Variants in ACSM3 observed in about 807,000 individuals in gnomAD.
The protein encoded by ACSM3 is acyl-CoA synthetase medium chain family member 3.
Under a neutral mutation model 74.1 loss-of-function variants are expected in ACSM3, and 61 were observed. The ratio of observed to expected loss-of-function variants is 0.82; its 90% CI spans 0.67 to 1.02. The LOEUF (loss-of-function observed/expected upper bound fraction) is 1.02, where lower values mean the gene tolerates loss of function less well. Among genes scored for constraint, ACSM3 ranks in the 50% least tolerant of loss-of-function variants. The pLI is 0.00. For missense variants in ACSM3, 660 were observed against 697.0 expected, an observed-to-expected ratio of 0.95 and a Z score of 0.60; for synonymous variants, 213 against 241.5, an observed-to-expected ratio of 0.88 and a Z score of 1.09.
At chr16:20,776,073 C>A in intron 3 of ACSM3, 24 bp downstream of exon 3, 1 of 1,609,996 alleles carries the variant, frequency 6.2e-7, no homozygotes, top group South Asian at 1.1e-5. Flanking sequence ...GCTTTCCGAT[C>A]ATATTTATTA....
intron 1 of ACSM3, among the ~76,000 whole-genome samples, chr16:20,746,118 T>A (rs1214553534): frequency 6.6e-6 from 1 of 152,210 alleles, no homozygotes; most frequent in Non-Finnish European, 1.5e-5. Flanking sequence ...AGATTCCCTG[T>A]TAGATTTAAA....
intron 1 of ACSM3, among the ~76,000 whole-genome samples, chr16:20,693,004 A>G (rs1319393878): frequency 1.3e-5 from 2 of 152,020 alleles, no homozygotes; most frequent in Admixed American, 6.6e-5. Flanking sequence ...CCCTGTCTCT[A>G]CTAAAAATTT....
chr16:20,796,327 A>T (rs1188773204), intron 12 of ACSM3, 43 bp from the exon 13 acceptor site: 1 of 1,597,244 alleles, frequency 6.3e-7, no homozygotes, highest in South Asian at 1.1e-5. Context: ...AAAACATACA[A>T]ATGCATAACT....
At chr16:20,762,355 T>C (rs916231058), upstream of ACSM3, among the ~76,000 whole-genome samples, 1 of 150,920 alleles carries the variant, frequency 6.6e-6, no homozygotes, top group Non-Finnish European at 1.5e-5. Flanking sequence ...ATCAAAGAAC[T>C]GGAAGCCAGA....
intron 1 of ACSM3, chr16:20,736,529 CTCCT>C (rs1253430298): frequency 4.7e-6 from 1 of 210,996 alleles, no homozygotes; most frequent in Non-Finnish European, 9.5e-6. Flanking sequence ...CATGTAAAAA[CTCCT>C]TCCTTAGAAT....
exon 3 of ACSM3, chr16:20,755,600 C>T (rs234285): frequency 0.98 from 147,941 of 151,082 alleles, 72,461 homozygotes; most frequent in East Asian, 1. Context: ...GCTAAAACCC[C>T]TGGAATTTCT....
intron 1 of ACSM3, among the ~76,000 whole-genome samples, chr16:20,732,618 AC>A (rs2079837403): frequency 6.6e-6 from 1 of 152,092 alleles, no homozygotes; most frequent in Non-Finnish European, 1.5e-5. Flanking sequence ...AACAGTAGAG[AC>A]CTAGGACTAG....
chr16:20,691,377 TG>T (rs1279987319), intron 1 of ACSM3: 1 of 518,332 alleles, frequency 1.9e-6, no homozygotes, highest in Non-Finnish European at 3.3e-6. Context: ...TGATTGATTT[TG>T]GTGGGGATTT....
chr16:20,743,822 C>T (rs2079946923), intron 1 of ACSM3: 2 of 152,312 alleles, frequency 1.3e-5, no homozygotes, highest in South Asian at 2.1e-4. Flanking sequence ...CTTCTGCTGG[C>T]TGGGTTTCAG....
rs1247902776 is a variant in ACSM3 at position 20,797,219 on chromosome 16, A to AT, written c.*252dup. The AT allele has an allele frequency of 8.3e-7, 1 of 1,207,978 alleles. No homozygotes were observed. Among genetic ancestry groups the AT allele is most frequent in the African/African-American group, 1.6e-5 (1 of 62,318 alleles). The allele number at this position is 1,207,978 out of a possible 1,614,324, so 74.8% of individuals were successfully genotyped here. A position where few individuals can be genotyped will look rare whatever the true frequency, so the allele number is the denominator to read the frequency against. On this transcript the variant is annotated 3_prime_UTR_variant, in exon 14 of 14. Coordinates refer to ENST00000289416, the MANE Select transcript of ACSM3 (RefSeq NM_005622.4). ...AAATAATACCATCAATTGCTGATTA[A>AT]TTTTTAAATGTATAGTATAGAAGCA...
chr16:20,702,573 C>A (rs1265735262), intron 1 of ACSM3, among the ~76,000 whole-genome samples: 1 of 152,150 alleles, frequency 6.6e-6, no homozygotes, highest in Non-Finnish European at 1.5e-5. Context: ...GGATGATGAG[C>A]TTTTTTTCAA....
intron 1 of ACSM3, chr16:20,738,361 C>A: frequency 2.6e-6 from 1 of 389,594 alleles, no homozygotes; most frequent in Non-Finnish European, 5.1e-6. Context: ...TGTAATTAAT[C>A]CATTAGCTAA....
intron 1 of ACSM3, chr16:20,711,668 A>G: frequency 1.6e-6 from 1 of 638,552 alleles, no homozygotes; most frequent in Non-Finnish European, 2.8e-6. Flanking sequence ...CTCAGTTTCC[A>G]GGAGTTATTT....
At chr16:20,759,509 G>A (rs1205412739), upstream of ACSM3, among the ~76,000 whole-genome samples, 1 of 147,180 alleles carries the variant, frequency 6.8e-6, no homozygotes, top group South Asian at 2.2e-4. Flanking sequence ...GCAGTGAGCC[G>A]AGATCACGCC....
chr16:20,740,511 T>A (rs915047260), intron 1 of ACSM3, among the ~76,000 whole-genome samples: 1 of 152,250 alleles, frequency 6.6e-6, no homozygotes, highest in Non-Finnish European at 1.5e-5. Flanking sequence ...AATAATTGTA[T>A]ACATTTACAG....
At chr16:20,683,306 T>G (rs2079484191) in intron 1 of ACSM3, among the ~76,000 whole-genome samples, 1 of 151,938 alleles carries the variant, frequency 6.6e-6, no homozygotes, top group South Asian at 2.1e-4. Flanking sequence ...ATTATTATTT[T>G]TAGTAGAGAT....
At chr16:20,781,824 A>AG (rs2080360089) in intron 7 of ACSM3, 37 bp downstream of exon 7, 2 of 1,440,364 alleles carry the variant, frequency 1.4e-6, no homozygotes, top group Non-Finnish European at 2.0e-6. Flanking sequence ...TAGTGGGGAG[A>AG]GGGGAGAAGA....
At chr16:20,677,989 T>A (rs537644542) in intron 1 of ACSM3, among the ~76,000 whole-genome samples, 5 of 128,176 alleles carry the variant, frequency 3.9e-5, no homozygotes, top group African/African-American at 1.1e-4. Context: ...AGGGGCACCA[T>A]AAAGGAAGAA....
chr16:20,699,243 T>C (rs570884580), intron 1 of ACSM3, among the ~76,000 whole-genome samples: 17 of 152,332 alleles, frequency 1.1e-4, no homozygotes, highest in African/African-American at 4.1e-4. Flanking sequence ...TGATATTGCA[T>C]TGGATAAACC....
Sources: allele counts gnomAD v4.1 joint callset (sites outside exome capture counted in the v4.1 genomes callset), GRCh38; gene constraint gnomAD v4.1.1; transcripts MANE v1.5; gene names NCBI Gene and HGNC (gene_info 2026-07-23, HGNC 2026-07-21).